Variants in GRIN2B observed in about 807,000 individuals in gnomAD.
GRIN2B encodes glutamate ionotropic receptor NMDA type subunit 2B.
A neutral mutation model predicts 114.5 loss-of-function variants in GRIN2B; 5 were observed. The observed-to-expected ratio is 0.04, with a 90% CI of 0.02 to 0.09. The LOEUF is 0.09. Among genes scored for constraint, GRIN2B ranks in the 10% least tolerant of loss-of-function variants. The pLI is 1.00. For synonymous variants in GRIN2B, 787 were observed against 745.1 expected (o/e 1.06, Z -0.92); for missense variants, 1,108 against 1,943.5 (o/e 0.57, Z 8.08).
intron 4 of GRIN2B, among the ~76,000 whole-genome samples, chr12:13,744,740 A>C (rs756443444): frequency 6.6e-6 from 1 of 152,172 alleles, no homozygotes; most frequent in Non-Finnish European, 1.5e-5. Context: ...ATCTGTCAGC[A>C]GCAGTTCCTT....
At chr12:13,977,747 G>A (rs1039497514) in intron 2 of GRIN2B, among the ~76,000 whole-genome samples, 6 of 152,150 alleles carry the variant, frequency 3.9e-5, no homozygotes, top group East Asian at 3.9e-4. Flanking sequence ...GACTGCCTGC[G>A]AGGATGGGGA....
intron 2 of GRIN2B, among the ~76,000 whole-genome samples, chr12:13,931,769 C>T (rs750779701): frequency 5.3e-5 from 8 of 152,180 alleles, no homozygotes; most frequent in Non-Finnish European, 7.3e-5. Context: ...ACTGCATAGT[C>T]ATCCACAATT....
At position 13,796,614 on chromosome 12, in the gene GRIN2B, C is replaced by T. The variant is rs183356929; in HGVS notation, c.412-42699G>A. On this transcript the variant is annotated intron_variant, in intron 3 of 13. Coordinates refer to ENST00000609686, the MANE Select transcript of GRIN2B (RefSeq NM_000834.5). ...TAAAGGAAAAAGACAATGATCAACT[C>T]ATTTAAAAAACCTTTGTGAGATAAA... 1.7e-3 allele frequency among the ~76,000 whole-genome samples: 260 copies of T among 152,300 alleles called. 1 individual carries two copies. The highest frequency in any genetic ancestry group is 5.9e-3 in the African/African-American group (247 of 41,568).
intron 4 of GRIN2B, among the ~76,000 whole-genome samples, chr12:13,693,301 C>T (rs1031026191): frequency 2.0e-5 from 3 of 152,060 alleles, no homozygotes; most frequent in Admixed American, 6.5e-5. Flanking sequence ...AGACTTATTG[C>T]ATGTTTCTTG....
intron 10 of GRIN2B, among the ~76,000 whole-genome samples, chr12:13,585,723 A>C (rs1266482502): frequency 6.6e-6 from 1 of 152,234 alleles, no homozygotes. Context: ...ACAGTTTGAG[A>C]AATGCCAGTT....
In GRIN2B at chr12:13,615,022, G is replaced by T; in HGVS notation, c.1654+92C>A. 8.4e-7 allele frequency: 1 copy of T among 1,191,584 alleles called. No individual in the cohort carries two copies. The highest frequency in any genetic ancestry group is 1.3e-6 in the Non-Finnish European group (1 of 795,900). 73.8% of individuals were successfully genotyped at this position (1,191,584 alleles called of 1,614,324 possible). ...TGAGCTCCTAGCAAACCACCTTCTA[G>T]CTGGAACAGCCTGGCCATGTGCTCC... On this transcript the variant is annotated intron_variant, in intron 8 of 13. Transcript: ENST00000609686. The surrounding 1 kb of genome is among the most constrained non-coding windows in gnomAD (Gnocchi z 5.8).
chr12:13,595,512 G>A (rs145428181), intron 10 of GRIN2B, among the ~76,000 whole-genome samples: 1 of 152,308 alleles, frequency 6.6e-6, no homozygotes, highest in African/African-American at 2.4e-5. Flanking sequence ...AGACCCGGGG[G>A]TGACCTTCTA....
At chr12:13,890,456 T>G (rs1389653993) in intron 2 of GRIN2B, among the ~76,000 whole-genome samples, 1 of 152,170 alleles carries the variant, frequency 6.6e-6, no homozygotes, top group Non-Finnish European at 1.5e-5. Flanking sequence ...TGCGGAGGAC[T>G]GGAGGACAGG....
At chr12:13,769,097 T>C (rs1863857565) in intron 3 of GRIN2B, among the ~76,000 whole-genome samples, 1 of 152,184 alleles carries the variant, frequency 6.6e-6, no homozygotes, top group Non-Finnish European at 1.5e-5. Flanking sequence ...ACTATTTCCT[T>C]GTTTTACAGT....
At chr12:13,724,989 ATCTG>A (rs1445227449) in intron 4 of GRIN2B, among the ~76,000 whole-genome samples, 1 of 152,148 alleles carries the variant, frequency 6.6e-6, no homozygotes, top group African/African-American at 2.4e-5. Flanking sequence ...TTCCCCCTTC[ATCTG>A]AAACAGTAAA....
At position 13,561,825 on chromosome 12, in the gene GRIN2B, G is replaced by A. The variant is rs1948549318; in HGVS notation, c.*958C>T. On this transcript the variant is annotated 3_prime_UTR_variant, in exon 14 of 14. Coordinates refer to ENST00000609686, the MANE Select transcript of GRIN2B (RefSeq NM_000834.5). ...GCAGGATTGCTCACCGCCTTTTTTTGTTTAGACCACAGAATCTTCTTTATC... is the reference window on the plus strand; with the variant it reads ...GCAGGATTGCTCACCGCCTTTTTTTATTTAGACCACAGAATCTTCTTTATC... The A allele has an allele frequency of 1.3e-5, 2 of 152,484 alleles. No individual in the cohort carries two copies. The highest frequency in any genetic ancestry group is 1.3e-4 in the Admixed American group (2 of 15,274). 9.4% of individuals were successfully genotyped at this position (152,484 alleles called of 1,614,324 possible). A position where few individuals can be genotyped will look rare whatever the true frequency, so the allele number is the denominator to read the frequency against.
chr12:13,826,714 C>A (rs1865042391), intron 3 of GRIN2B, among the ~76,000 whole-genome samples: 1 of 151,992 alleles, frequency 6.6e-6, no homozygotes, highest in South Asian at 2.1e-4. Context: ...CCACTATACA[C>A]TGTTTAGTTT....
intron 3 of GRIN2B, among the ~76,000 whole-genome samples, chr12:13,857,895 G>A (rs770150712): frequency 5.3e-5 from 8 of 152,150 alleles, no homozygotes. Context: ...GTATGAGCAT[G>A]ATGGATGACT....
chr12:13,931,371 C>T (rs538494661), intron 2 of GRIN2B, among the ~76,000 whole-genome samples: 1 of 152,280 alleles, frequency 6.6e-6, no homozygotes, highest in African/African-American at 2.4e-5. Flanking sequence ...TGAAATGATT[C>T]CTTTTCTAGG....
At chr12:13,819,837 G>A (rs1310489226) in intron 3 of GRIN2B, among the ~76,000 whole-genome samples, 2 of 152,084 alleles carry the variant, frequency 1.3e-5, no homozygotes, top group African/African-American at 4.8e-5. Context: ...CTGTGGACTT[G>A]GTCAACTTCC....
chr12:13,835,671 A>C (rs1259308489), intron 3 of GRIN2B, among the ~76,000 whole-genome samples: 1 of 151,056 alleles, frequency 6.6e-6, no homozygotes, highest in Non-Finnish European at 1.5e-5. Flanking sequence ...AGACCTCTCC[A>C]GTTCTGGGGA....
rs140393548 is a variant in GRIN2B at position 13,913,222 on chromosome 12, T to G, written c.-18-46996A>C. 6.0e-3 allele frequency among the ~76,000 whole-genome samples: 917 copies of G among 152,234 alleles called. 13 individuals carry two copies. Among genetic ancestry groups the G allele is most frequent in the African/African-American group, 0.021 (886 of 41,526 alleles). On this transcript the variant is annotated intron_variant, in intron 2 of 13. Coordinates refer to ENST00000609686, the MANE Select transcript of GRIN2B (RefSeq NM_000834.5). ...CCTTTTCTTTCCTAAAACAAAAGTC[T>G]CATGAAAGCACAACATTCAAGTATG...
intron 3 of GRIN2B, among the ~76,000 whole-genome samples, chr12:13,770,973 A>T (rs771552087): frequency 3.9e-5 from 6 of 152,140 alleles, no homozygotes; most frequent in Non-Finnish European, 8.8e-5. Context: ...TGTAGCCACC[A>T]CTTCACAATG....
At chr12:13,697,891 A>C (rs1950275534) in intron 4 of GRIN2B, among the ~76,000 whole-genome samples, 1 of 152,210 alleles carries the variant, frequency 6.6e-6, no homozygotes, top group Non-Finnish European at 1.5e-5. Flanking sequence ...CATTTTGCTC[A>C]ATCCAACATG....
Sources: gnomAD v4.1 joint callset for allele counts (sites outside exome capture counted in the v4.1 genomes callset) on GRCh38, gnomAD v4.1.1 for gene constraint, Gnocchi (gnomAD v3.1) non-coding constraint, MANE v1.5 for transcripts, NCBI Gene and HGNC (gene_info 2026-07-23, HGNC 2026-07-21) for gene names.